Variants in ZNF121 observed in about 807,000 individuals in gnomAD.
ZNF121 encodes zinc finger protein 121 (clone ZHC32).
ZNF121 carries 1 observed loss-of-function variant against 2.4 expected under a neutral mutation model. That is an observed-to-expected ratio of 0.41 (90% CI 0.15 to 1.94). The LOEUF (loss-of-function observed/expected upper bound fraction) is 1.94. Ranked by LOEUF, ZNF121 falls within the 30% of genes most tolerant of loss-of-function variation. The probability of loss-of-function intolerance (pLI) is 0.30; values close to 1 mark genes in which losing one functional copy is unlikely to be tolerated. For synonymous variants in ZNF121, 173 were observed against 158.6 expected (o/e 1.09, Z -0.68); for missense variants, 369 against 466.3 (o/e 0.79, Z 1.92).
At chr19:9,580,755 A>G (rs1214906576) in intron 1 of ZNF121, among the ~76,000 whole-genome samples, 1 of 152,184 alleles carries the variant, frequency 6.6e-6, no homozygotes, top group Non-Finnish European at 1.5e-5. Context: ...ATGGCATCCT[A>G]TTTATTGGAA....
intron 3 of ZNF121, chr19:9,567,721 C>G (rs1030067191): frequency 3.6e-6 from 1 of 277,910 alleles, no homozygotes; most frequent in Admixed American, 3.6e-5. Context: ...TGATGGGAGA[C>G]AGTGACAGAT....
chr19:9,579,177 A>G (rs1277168880), intron 1 of ZNF121, among the ~76,000 whole-genome samples: 1 of 152,172 alleles, frequency 6.6e-6, no homozygotes, highest in Non-Finnish European at 1.5e-5. Context: ...ATAGACAGGG[A>G]ATAACAAATA....
In ZNF121 at chr19:9,581,166, A is replaced by G. The variant is rs554527054; in HGVS notation, c.-160+3295T>C. Reference sequence around the variant, plus strand: ...GTTAGGAATAACGCTCAAAATCCTAAGGAAATTGAACACTCGAACAAAGGA... The same window carrying G: ...GTTAGGAATAACGCTCAAAATCCTAGGGAAATTGAACACTCGAACAAAGGA... On this transcript the variant is annotated intron_variant, in intron 1 of 3. Transcript: ENST00000320451. 5.3e-5 allele frequency among the ~76,000 whole-genome samples: 8 copies of G among 152,312 alleles called. No individual in the cohort carries two copies. In the South Asian group the frequency reaches 1.5e-3, roughly 28 times the overall value.
At chr19:9,580,022 G>T (rs1303694371) in intron 1 of ZNF121, among the ~76,000 whole-genome samples, 1 of 152,226 alleles carries the variant, frequency 6.6e-6, no homozygotes, top group Admixed American at 6.5e-5. Context: ...CCAGGCGCGG[G>T]TGGCTCACAC....
chr19:9,576,354 G>A (rs541062768), intron 1 of ZNF121, among the ~76,000 whole-genome samples: 126 of 151,494 alleles, frequency 8.3e-4, no homozygotes, highest in Non-Finnish European at 1.3e-3. Context: ...ATTACACAAC[G>A]GAACATTGTT....
Position 9,584,479 on chromosome 19 carries a change from C to T in ZNF121, c.-178G>A, listed in dbSNP as rs938331499. 10 of 152,308 alleles carry T rather than the reference C, an allele frequency of 6.6e-5. No individual in the cohort carries two copies. The highest frequency in any genetic ancestry group is 2.2e-4 in the African/African-American group (9 of 41,466). The allele number at this position is 152,308 out of a possible 1,614,324, so 9.4% of individuals were successfully genotyped here. On this transcript the variant is annotated 5_prime_UTR_variant, in exon 1 of 4. Coordinates refer to ENST00000320451, the MANE Select transcript of ZNF121 (RefSeq NM_001008727.5). ...AACTCACCACAGCCAGGGTGGACTC[C>T]ACCACGATAAAGGCGAAATGGCACT...
rs748557147 is a variant in ZNF121 at position 9,568,063 on chromosome 19, T to G, written c.3+32A>C. 2.6e-6 allele frequency: 4 copies of G among 1,535,432 alleles called. No individual in the cohort carries two copies. The East Asian group carries it at 6.8e-5, about 26-fold the overall frequency. ...TTATAATTGAATCCCAATCTTTTTTTGAGTGTGGTAAATAAGAAATCTTAA... is the reference window on the plus strand; with the variant it reads ...TTATAATTGAATCCCAATCTTTTTTGGAGTGTGGTAAATAAGAAATCTTAA... On this transcript the variant is annotated intron_variant, in intron 3 of 3. Transcript: ENST00000320451.
intron 1 of ZNF121, among the ~76,000 whole-genome samples, chr19:9,569,975 C>A (rs866320585): frequency 1.3e-5 from 2 of 150,604 alleles, no homozygotes; most frequent in East Asian, 2.0e-4. Flanking sequence ...TTTGCTCTGT[C>A]CCCCAGGCTG....
Position 9,567,078 on chromosome 19 carries a change from TCA to T in ZNF121, c.33_34del (p.Cys11Ter), listed in dbSNP as rs1228824718. ...GAAGATTTCTCCATTTTCCATAAAG[TCA>T]CAGAGTTCCCCTCCATTGTGGATTT... On this transcript the variant is annotated stop_gained and frameshift_variant, in exon 4 of 4. Transcript: ENST00000320451. LOFTEE classifies it low-confidence loss of function (END_TRUNC). 1 of 1,613,454 alleles carries T rather than the reference TCA, an allele frequency of 6.2e-7. No homozygotes were observed. The highest frequency in any genetic ancestry group is 1.3e-5 in the African/African-American group (1 of 75,056).
rs185083561 is a variant in ZNF121, at chr19:9,564,677, G to T, written c.*1263C>A. 7.2e-5 allele frequency: 11 copies of T among 152,306 alleles called. No individual in the cohort carries two copies. The East Asian group carries it at 1.5e-3, about 21-fold the overall frequency. The allele number at this position is 152,306 out of a possible 1,614,324, so 9.4% of individuals were successfully genotyped here. A position where few individuals can be genotyped will look rare whatever the true frequency, so the allele number is the denominator to read the frequency against. On this transcript the variant is annotated 3_prime_UTR_variant, in exon 4 of 4. Coordinates refer to ENST00000320451, the MANE Select transcript of ZNF121 (RefSeq NM_001008727.5). ...AAGATGCTGTGAACATTGTTGAAAAGACAACAGACTTAGAATATTACATCA... is the reference window on the plus strand; with the variant it reads ...AAGATGCTGTGAACATTGTTGAAAATACAACAGACTTAGAATATTACATCA...
chr19:9,567,919 T>C (rs1485544346), intron 3 of ZNF121, among the ~76,000 whole-genome samples, 176 bp downstream of exon 3: 1 of 152,136 alleles, frequency 6.6e-6, no homozygotes, highest in African/African-American at 2.4e-5. Context: ...CCTCCTGCTG[T>C]GCAGCCCAGT....
chr19:9,571,732 T>C (rs987691679), intron 1 of ZNF121, among the ~76,000 whole-genome samples: 2 of 152,114 alleles, frequency 1.3e-5, no homozygotes, highest in African/African-American at 4.8e-5. Flanking sequence ...TCATATCCAA[T>C]GAATAGGAAG....
chr19:9,576,444 A>G (rs766214234), intron 1 of ZNF121, among the ~76,000 whole-genome samples: 19 of 152,236 alleles, frequency 1.2e-4, no homozygotes, highest in Non-Finnish European at 1.9e-4. Flanking sequence ...GAAACAAATT[A>G]AAGTGAAACT....
At chr19:9,574,417 G>A (rs999171056) in intron 1 of ZNF121, among the ~76,000 whole-genome samples, 3 of 152,042 alleles carry the variant, frequency 2.0e-5, no homozygotes, top group African/African-American at 7.2e-5. Context: ...GCCTCCCAAA[G>A]TGCTAGGATT....
intron 1 of ZNF121, among the ~76,000 whole-genome samples, chr19:9,570,152 G>C (rs2074163667): frequency 6.6e-6 from 1 of 152,058 alleles, no homozygotes; most frequent in African/African-American, 2.4e-5. Flanking sequence ...GCTGCAGTGA[G>C]CCGAGATCAT....
chr19:9,560,385 ACTTT>A lies in ZNF121; in HGVS notation c.*5551_*5554del, dbSNP rs1156267885. 6.6e-6 allele frequency: 1 copy of A among 152,196 alleles called. No individual in the cohort carries two copies. Among genetic ancestry groups the A allele is most frequent in the Non-Finnish European group, 1.5e-5 (1 of 68,026 alleles). The allele number at this position is 152,196 out of a possible 1,614,324, so 9.4% of individuals were successfully genotyped here. A position where few individuals can be genotyped will look rare whatever the true frequency, so the allele number is the denominator to read the frequency against. On this transcript the variant is annotated 3_prime_UTR_variant, in exon 4 of 4. Transcript: ENST00000320451. ...ACACATAAAATTTACCCTTTCACAT[ACTTT>A]GTGTGTACCGAAGAGTATTGTTAAC...
intron 1 of ZNF121, among the ~76,000 whole-genome samples, chr19:9,582,224 C>G (rs2074252758): frequency 6.6e-6 from 1 of 152,172 alleles, no homozygotes; most frequent in South Asian, 2.1e-4. Flanking sequence ...TGAGCCGAAG[C>G]CAAGCCATCA....
chr19:9,578,338 G>A (rs57514425), intron 1 of ZNF121, among the ~76,000 whole-genome samples: 26,127 of 151,928 alleles, frequency 0.17, 3,564 homozygotes, highest in African/African-American at 0.38. Context: ...AGGTTGCAGT[G>A]AGCCGAGGTC....
At chr19:9,570,026 G>A (rs191346703) in intron 1 of ZNF121, among the ~76,000 whole-genome samples, 16 of 150,576 alleles carry the variant, frequency 1.1e-4, no homozygotes, top group East Asian at 7.9e-4. Context: ...AACCTCTGCC[G>A]CCGCCCACCC....
Sources: gnomAD v4.1 joint callset for allele counts (sites outside exome capture counted in the v4.1 genomes callset) on GRCh38, gnomAD v4.1.1 for gene constraint, MANE v1.5 for transcripts, NCBI Gene and HGNC (gene_info 2026-07-23, HGNC 2026-07-21) for gene names.